The following LHFPL3 variants were observed in gnomAD, a reference collection of about 807,000 sequenced individuals.
LHFPL3 encodes the protein LHFPL tetraspan subfamily member 3 protein.
Under a neutral mutation model 19.3 loss-of-function variants are expected in LHFPL3, and 5 were observed. The ratio of observed to expected loss-of-function variants is 0.26; its 90% CI spans 0.14 to 0.54. LHFPL3 has a LOEUF of 0.54. Among genes scored for constraint, LHFPL3 ranks in the 20% least tolerant of loss-of-function variants. The pLI is 0.94. For missense variants in LHFPL3, 249 were observed against 307.4 expected (o/e 0.81, Z 1.42); for synonymous variants, 133 against 126.2 (o/e 1.05, Z -0.36).
rs1791898956 is a variant in LHFPL3, at chr7:104,428,977, T to G, written c.445+99753T>G. 3.3e-5 allele frequency among the ~76,000 whole-genome samples: 5 copies of G among 152,230 alleles called. No homozygotes were observed. In the South Asian group the frequency reaches 1.0e-3, roughly 32 times the overall value. On this transcript the variant is annotated intron_variant, in intron 1 of 2. Coordinates refer to ENST00000424859, the MANE Select transcript of LHFPL3 (RefSeq NM_199000.3). The stretch of plus-strand genomic sequence containing the variant: ...ATCAAAAACAAACAAGCAAACCAGC[T>G]AAATCCACCCTGAATTCTAAATGCT...
chr7:104,531,207 T>C (rs1272301082), intron 1 of LHFPL3, among the ~76,000 whole-genome samples: 1 of 152,198 alleles, frequency 6.6e-6, no homozygotes, highest in African/African-American at 2.4e-5. Flanking sequence ...GTTCTTTTCT[T>C]TCCCTCCACA....
At chr7:104,543,935 A>T (rs996094611) in intron 1 of LHFPL3, among the ~76,000 whole-genome samples, 1 of 142,184 alleles carries the variant, frequency 7.0e-6, no homozygotes, top group East Asian at 2.0e-4. Context: ...ATAATAATAA[A>T]ACCTAGATGA....
At chr7:104,353,088 T>G (rs996036427) in intron 1 of LHFPL3, among the ~76,000 whole-genome samples, 6 of 152,184 alleles carry the variant, frequency 3.9e-5, no homozygotes, top group African/African-American at 1.4e-4. Flanking sequence ...TTGTTTGCAA[T>G]GTATGTATAA....
At chr7:104,649,005 A>G (rs370533883) in intron 1 of LHFPL3, among the ~76,000 whole-genome samples, 5 of 151,922 alleles carry the variant, frequency 3.3e-5, no homozygotes, top group Admixed American at 3.3e-4. Flanking sequence ...TTCCCCTCCT[A>G]TTTTCCTACA....
chr7:104,577,420 C>A (rs1393930001), intron 1 of LHFPL3, among the ~76,000 whole-genome samples: 1 of 152,062 alleles, frequency 6.6e-6, no homozygotes, highest in Admixed American at 6.6e-5. Context: ...AGATATCTAA[C>A]AGGAGGAACA....
intron 2 of LHFPL3, among the ~76,000 whole-genome samples, chr7:104,812,063 C>T (rs1368256287): frequency 6.6e-6 from 1 of 152,180 alleles, no homozygotes; most frequent in Non-Finnish European, 1.5e-5. Flanking sequence ...CAAGGTAGAA[C>T]TCAGGGCTTT....
chr7:104,547,896 A>G (rs1281354641), intron 1 of LHFPL3, among the ~76,000 whole-genome samples: 1 of 152,176 alleles, frequency 6.6e-6, no homozygotes, highest in East Asian at 1.9e-4. Context: ...ATAGTTTCAA[A>G]TTTTTAGAAA....
At chr7:104,770,784 A>G (rs1794536885) in intron 2 of LHFPL3, among the ~76,000 whole-genome samples, 1 of 152,136 alleles carries the variant, frequency 6.6e-6, no homozygotes, top group South Asian at 2.1e-4. Context: ...TATGAAGCCT[A>G]TTTTCCACAG....
In LHFPL3 at chr7:104,417,961, T is replaced by C. The variant is rs138823160; in HGVS notation, c.445+88737T>C. Among the ~76,000 whole-genome samples, 1,161 of 150,196 alleles carry C rather than the reference T, an allele frequency of 7.7e-3. 62 individuals are homozygous for C. In the East Asian group the frequency reaches 0.15, roughly 20 times the overall value. On this transcript the variant is annotated intron_variant, in intron 1 of 2. Transcript: ENST00000424859. The stretch of plus-strand genomic sequence containing the variant: ...GTAATGGTGCAATCTTGGCTCACTG[T>C]AGCCTCTGCCTCCTGGGTTCAAGGG...
intron 2 of LHFPL3, among the ~76,000 whole-genome samples, chr7:104,848,449 C>G (rs1791354202): frequency 1.3e-5 from 2 of 152,136 alleles, no homozygotes; most frequent in Non-Finnish European, 2.9e-5. Context: ...AGGCAAGAGT[C>G]ACGAGCTCTT....
chr7:104,529,323 C>T (rs1047330802), intron 1 of LHFPL3, among the ~76,000 whole-genome samples: 1 of 152,184 alleles, frequency 6.6e-6, no homozygotes, highest in African/African-American at 2.4e-5. Flanking sequence ...TCCTCAGCTT[C>T]ATCTCTTGCT....
intron 1 of LHFPL3, among the ~76,000 whole-genome samples, chr7:104,620,675 A>G (rs917342147): frequency 6.6e-6 from 1 of 151,810 alleles, no homozygotes; most frequent in Non-Finnish European, 1.5e-5. Context: ...CCCCCCAGTG[A>G]TTTCCACTTC....
At chr7:104,606,836 C>A (rs148945851) in intron 1 of LHFPL3, among the ~76,000 whole-genome samples, 160 of 152,120 alleles carry the variant, frequency 1.1e-3, no homozygotes, top group African/African-American at 3.0e-3. Flanking sequence ...AGGGATGAAA[C>A]CATAAAGGTG....
Position 104,696,477 on chromosome 7 carries a change from C to T in LHFPL3, c.446-40198C>T, listed in dbSNP as rs78684437. Among the ~76,000 whole-genome samples, 1,471 of 150,330 alleles carry T rather than the reference C, an allele frequency of 9.8e-3. 25 individuals are homozygous for T. The highest frequency in any genetic ancestry group is 0.033 in the African/African-American group (1,344 of 40,752). On this transcript the variant is annotated intron_variant, in intron 1 of 2. Transcript: ENST00000424859. ...GTGTGTGTGTGTGTGTGTGTGCTTA[C>T]ATATATGTGTGTTTACTTTGTAAAA...
intron 2 of LHFPL3, among the ~76,000 whole-genome samples, chr7:104,818,107 G>T (rs1417164291): frequency 6.6e-6 from 1 of 152,148 alleles, no homozygotes; most frequent in African/African-American, 2.4e-5. Flanking sequence ...GGAATCGGAA[G>T]GATTTATTGA....
At chr7:104,747,953 A>C (rs1260889954) in intron 2 of LHFPL3, among the ~76,000 whole-genome samples, 1 of 152,122 alleles carries the variant, frequency 6.6e-6, no homozygotes, top group East Asian at 1.9e-4. Context: ...TCAGATTGTT[A>C]CTGTGTCTGT....
intron 1 of LHFPL3, among the ~76,000 whole-genome samples, chr7:104,662,547 T>C (rs1792244955): frequency 6.6e-6 from 1 of 152,176 alleles, no homozygotes; most frequent in African/African-American, 2.4e-5. Flanking sequence ...CAGTCAAATC[T>C]CTCTATAACT....
At chr7:104,456,792 T>A (rs946016089) in intron 1 of LHFPL3, among the ~76,000 whole-genome samples, 1 of 152,184 alleles carries the variant, frequency 6.6e-6, no homozygotes, top group Non-Finnish European at 1.5e-5. Flanking sequence ...AAGTGACTAA[T>A]GGGTGGGGAG....
intron 2 of LHFPL3, among the ~76,000 whole-genome samples, chr7:104,772,346 T>C (rs182766373): frequency 3.9e-5 from 6 of 152,344 alleles, no homozygotes; most frequent in African/African-American, 1.4e-4. Flanking sequence ...TCAGTGATTA[T>C]TAGAACCCAA....
Sources: allele counts gnomAD v4.1 joint callset (sites outside exome capture counted in the v4.1 genomes callset), GRCh38; gene constraint gnomAD v4.1.1; transcripts MANE v1.5; gene names NCBI Gene and HGNC (gene_info 2026-07-23, HGNC 2026-07-21).